NRXN3: variants seen among roughly 807,000 people sequenced by gnomAD.
NRXN3 encodes the protein neurexin III.
Under a neutral mutation model 137.6 loss-of-function variants are expected in NRXN3, and 32 were observed. The ratio of observed to expected loss-of-function variants is 0.23; its 90% CI spans 0.18 to 0.31. The LOEUF (loss-of-function observed/expected upper bound fraction) is 0.31, where lower values mean the gene tolerates loss of function less well. Among genes scored for constraint, NRXN3 ranks in the 10% least tolerant of loss-of-function variants. The pLI, the probability that NRXN3 is intolerant of heterozygous loss-of-function variation, is 1.00. For synonymous variants in NRXN3, 798 were observed against 784.5 expected, an observed-to-expected ratio of 1.02 and a Z score of -0.29; for missense variants, 1,574 against 2,062.5, an observed-to-expected ratio of 0.76 and a Z score of 4.59.
chr14:79,319,800 A>G (rs553941822), intron 15 of NRXN3, among the ~76,000 whole-genome samples: 3 of 152,118 alleles, frequency 2.0e-5, no homozygotes, highest in Non-Finnish European at 4.4e-5. Context: ...CAGTACCACT[A>G]CTCTTGCATG....
chr14:79,662,680 T>G (rs544631313), intron 16 of NRXN3, among the ~76,000 whole-genome samples: 51 of 152,206 alleles, frequency 3.4e-4, no homozygotes, highest in African/African-American at 1.2e-3. Flanking sequence ...CATCTGCTTC[T>G]GGGGAGCCCT....
chr14:78,206,345 G>T (rs1036969259), intron 1 of NRXN3, among the ~76,000 whole-genome samples: 1 of 152,214 alleles, frequency 6.6e-6, no homozygotes, highest in Non-Finnish European at 1.5e-5. Flanking sequence ...ATGAAATGGT[G>T]TTCGTGTTTT....
intron 4 of NRXN3, among the ~76,000 whole-genome samples, chr14:78,504,903 GC>G (rs745716996): frequency 4.6e-5 from 7 of 152,086 alleles, no homozygotes; most frequent in Non-Finnish European, 8.8e-5. Flanking sequence ...TTCCATCCGG[GC>G]CCGACAAGAG....
chr14:78,217,514 ACT>A (rs2063412939), intron 1 of NRXN3, among the ~76,000 whole-genome samples: 2 of 152,008 alleles, frequency 1.3e-5, no homozygotes, highest in South Asian at 4.1e-4. Flanking sequence ...AGGTTGAGAA[ACT>A]CTATTTTAAA....
chr14:78,814,865 T>A (rs185868715), intron 10 of NRXN3, among the ~76,000 whole-genome samples: 2 of 152,302 alleles, frequency 1.3e-5, no homozygotes, highest in East Asian at 3.9e-4. Context: ...ACTAATTTAT[T>A]CTATCCCTTT....
intron 15 of NRXN3, among the ~76,000 whole-genome samples, chr14:79,418,639 G>A (rs1459608407): frequency 6.6e-6 from 1 of 152,136 alleles, no homozygotes; most frequent in Non-Finnish European, 1.5e-5. Context: ...TAAAAATAAG[G>A]TAACACAAAG....
chr14:79,218,082 C>T (rs2068856645), intron 15 of NRXN3, among the ~76,000 whole-genome samples: 1 of 152,122 alleles, frequency 6.6e-6, no homozygotes, highest in Admixed American at 6.5e-5. Context: ...TATCATTGAA[C>T]CATTGAAATA....
intron 1 of NRXN3, among the ~76,000 whole-genome samples, chr14:78,216,313 T>C (rs2063277552): frequency 6.6e-6 from 1 of 152,230 alleles, no homozygotes; most frequent in Non-Finnish European, 1.5e-5. Flanking sequence ...TGTAAGTCCT[T>C]TTCATATACA....
intron 10 of NRXN3, among the ~76,000 whole-genome samples, chr14:78,899,035 G>A (rs1223608868): frequency 6.6e-6 from 1 of 151,900 alleles, no homozygotes; most frequent in Admixed American, 6.6e-5. Flanking sequence ...CTGCCTGTAA[G>A]CATAATTTCT....
At chr14:78,702,432 G>T (rs1407922148) in intron 6 of NRXN3, among the ~76,000 whole-genome samples, 3 of 95,074 alleles carry the variant, frequency 3.2e-5, no homozygotes, top group Non-Finnish European at 6.8e-5. Context: ...CCTCAAGAGA[G>T]AATCTTTCTT....
chr14:79,553,506 C>G (rs1282560714), intron 16 of NRXN3, among the ~76,000 whole-genome samples: 1 of 152,106 alleles, frequency 6.6e-6, no homozygotes, highest in Non-Finnish European at 1.5e-5. Context: ...CTCATCCCAC[C>G]CAATGCCACC....
chr14:78,883,743 A>G (rs2152666556), intron 10 of NRXN3, among the ~76,000 whole-genome samples: 1 of 152,336 alleles, frequency 6.6e-6, no homozygotes, highest in South Asian at 2.1e-4. Flanking sequence ...CTAAGATCAC[A>G]TACTCAGAAA....
At chr14:78,170,956 T>TC (rs2058665118) in intron 1 of NRXN3, among the ~76,000 whole-genome samples, 1 of 71,360 alleles carries the variant, frequency 1.4e-5, no homozygotes. Flanking sequence ...CTTCTTCTTT[T>TC]TTTTTTTTTT....
intron 4 of NRXN3, among the ~76,000 whole-genome samples, chr14:78,344,894 GT>G (rs1181408778): frequency 2.0e-5 from 3 of 152,192 alleles, no homozygotes; most frequent in Non-Finnish European, 4.4e-5. Context: ...CTCCCCAATT[GT>G]TTCCTAGGCC....
At chr14:79,207,400 G>C (rs1297465359) in intron 15 of NRXN3, among the ~76,000 whole-genome samples, 1 of 152,180 alleles carries the variant, frequency 6.6e-6, no homozygotes, top group African/African-American at 2.4e-5. Flanking sequence ...GGAAATCTGG[G>C]ACATAGTAAG....
At chr14:78,958,194 A>G (rs1317081681) in intron 11 of NRXN3, among the ~76,000 whole-genome samples, 4 of 152,230 alleles carry the variant, frequency 2.6e-5, no homozygotes, top group Non-Finnish European at 1.5e-5. Flanking sequence ...CAATTTGTCA[A>G]TCAGAAGAGA....
intron 15 of NRXN3, among the ~76,000 whole-genome samples, chr14:79,257,585 A>AATG (rs1347577034): frequency 6.3e-5 from 1 of 15,956 alleles, no homozygotes; most frequent in African/African-American, 2.7e-4. Flanking sequence ...TGGTGATGGT[A>AATG]ATGATGGTGG....
chr14:79,477,775 A>G (rs74467456), intron 16 of NRXN3, among the ~76,000 whole-genome samples: 3 of 152,232 alleles, frequency 2.0e-5, no homozygotes, highest in South Asian at 2.1e-4. Context: ...GACTTATTCT[A>G]TGATGATGCA....
At chr14:79,133,265 G>A (rs895386703) in intron 15 of NRXN3, among the ~76,000 whole-genome samples, 3 of 152,196 alleles carry the variant, frequency 2.0e-5, no homozygotes, top group African/African-American at 7.2e-5. Context: ...AGGCCATGGT[G>A]TGAATTGTGT....
Sources: gnomAD v4.1 joint callset for allele counts (sites outside exome capture counted in the v4.1 genomes callset) on GRCh38, gnomAD v4.1.1 for gene constraint, MANE v1.5 for transcripts, NCBI Gene and HGNC (gene_info 2026-07-23, HGNC 2026-07-21) for gene names.